Variants in LRBA observed in about 807,000 individuals in gnomAD.
The protein encoded by LRBA is lipopolysaccharide-responsive and beige-like anchor protein.
In LRBA, 176 loss-of-function variants were observed where a neutral mutation model predicts 330.0. The observed-to-expected ratio is 0.53, with a 90% CI of 0.47 to 0.60. The LOEUF (loss-of-function observed/expected upper bound fraction) is 0.60. LRBA is among the 20% of genes least tolerant of loss of function. The probability of loss-of-function intolerance (pLI) is 0.00; values close to 1 mark genes in which losing one functional copy is unlikely to be tolerated. For missense variants in LRBA, 3,259 were observed against 3,444.8 expected, an observed-to-expected ratio of 0.95 and a Z score of 1.35; for synonymous variants, 1,230 against 1,193.0, an observed-to-expected ratio of 1.03 and a Z score of -0.64.
At chr4:150,433,136 A>G (rs1433760082) in intron 46 of LRBA, among the ~76,000 whole-genome samples, 2 of 152,234 alleles carry the variant, frequency 1.3e-5, no homozygotes, top group Non-Finnish European at 2.9e-5. Context: ...TATTCCAAAC[A>G]TAAGAGGGAG....
At chr4:150,571,247 C>G (rs559421655) in intron 40 of LRBA, among the ~76,000 whole-genome samples, 44 of 152,064 alleles carry the variant, frequency 2.9e-4, no homozygotes, top group African/African-American at 9.9e-4. Flanking sequence ...AGCAAAGAAG[C>G]TCTACCTATA....
chr4:150,872,999 T>C (rs1240111745), intron 17 of LRBA, among the ~76,000 whole-genome samples: 4 of 152,158 alleles, frequency 2.6e-5, no homozygotes, highest in African/African-American at 9.7e-5. Context: ...CATACTTATA[T>C]GTAACGTGTG....
At chr4:150,439,515 G>A (rs960415687) in intron 44 of LRBA, among the ~76,000 whole-genome samples, 7 of 151,630 alleles carry the variant, frequency 4.6e-5, no homozygotes, top group Non-Finnish European at 1.0e-4. Context: ...AAAAAAAAAA[G>A]ACCAGTGGAG....
At chr4:150,747,255 C>T (rs550609374) in intron 35 of LRBA, among the ~76,000 whole-genome samples, 1 of 151,982 alleles carries the variant, frequency 6.6e-6, no homozygotes, top group African/African-American at 2.4e-5. Flanking sequence ...ACTACAGAAC[C>T]TTTTCTGATC....
At chr4:150,878,108 A>AG (rs1754261993) in intron 17 of LRBA, among the ~76,000 whole-genome samples, 1 of 152,086 alleles carries the variant, frequency 6.6e-6, no homozygotes, top group African/African-American at 2.4e-5. Flanking sequence ...CAAGGTGGGC[A>AG]GATCACTTGA....
At chr4:150,518,458 A>C (rs1762590883) in intron 40 of LRBA, among the ~76,000 whole-genome samples, 1 of 152,180 alleles carries the variant, frequency 6.6e-6, no homozygotes, top group Non-Finnish European at 1.5e-5. Context: ...GGATAAGGGG[A>C]GGCTACTGTA....
intron 33 of LRBA, among the ~76,000 whole-genome samples, chr4:150,802,359 TTTTAA>T (rs987875693): frequency 1.3e-5 from 2 of 151,612 alleles, no homozygotes; most frequent in African/African-American, 4.8e-5. Context: ...GGTTTTTTTT[TTTTAA>T]TTTTAGTCCA....
chr4:150,697,349 A>AAAAAC (rs1561527692), intron 36 of LRBA, among the ~76,000 whole-genome samples: 4 of 148,298 alleles, frequency 2.7e-5, no homozygotes, highest in African/African-American at 1.0e-4. Context: ...AAAAAAAAAA[A>AAAAAC]AACAGGGAGA....
At chr4:150,649,803 A>G (rs1375127653) in intron 37 of LRBA, among the ~76,000 whole-genome samples, 4 of 152,202 alleles carry the variant, frequency 2.6e-5, no homozygotes, top group Non-Finnish European at 1.5e-5. Flanking sequence ...TGTATAAACT[A>G]GCAAATACTC....
At chr4:150,398,056 A>G (rs1236745746) in intron 47 of LRBA, among the ~76,000 whole-genome samples, 2 of 152,220 alleles carry the variant, frequency 1.3e-5, no homozygotes, top group Non-Finnish European at 2.9e-5. Context: ...TATCTTCTCT[A>G]GCACAGAAAA....
intron 37 of LRBA, among the ~76,000 whole-genome samples, chr4:150,644,783 C>T (rs1778978808): frequency 6.6e-6 from 1 of 151,688 alleles, no homozygotes; most frequent in African/African-American, 2.4e-5. Context: ...AAATTTAGTA[C>T]CATCTGAAGT....
chr4:150,487,157 G>C (rs1256092723), intron 42 of LRBA, among the ~76,000 whole-genome samples: 1 of 151,568 alleles, frequency 6.6e-6, no homozygotes, highest in South Asian at 2.1e-4. Flanking sequence ...ATACCCAGTA[G>C]TGGGATTGCA....
At chr4:150,609,865 TAGCAGG>T (rs1775048979) in intron 37 of LRBA, among the ~76,000 whole-genome samples, 1 of 152,110 alleles carries the variant, frequency 6.6e-6, no homozygotes, top group Non-Finnish European at 1.5e-5. Context: ...AGGAGGTGGG[TAGCAGG>T]AGCAGGGTTT....
At chr4:150,812,940 T>C (rs1743975565) in intron 31 of LRBA, among the ~76,000 whole-genome samples, 1 of 152,092 alleles carries the variant, frequency 6.6e-6, no homozygotes, top group African/African-American at 2.4e-5. Context: ...GAAGGATCAC[T>C]TGAAGCCAGG....
chr4:150,743,071 G>A (rs959305722), intron 35 of LRBA, among the ~76,000 whole-genome samples: 1 of 152,096 alleles, frequency 6.6e-6, no homozygotes, highest in African/African-American at 2.4e-5. Context: ...GGGTACAAGT[G>A]ATTATCATGT....
chr4:150,903,447 A>C (rs550608912), intron 13 of LRBA, among the ~76,000 whole-genome samples: 12 of 152,212 alleles, frequency 7.9e-5, no homozygotes, highest in African/African-American at 2.9e-4. Context: ...TAAAAGAAAA[A>C]TGAACAGAGG....
intron 22 of LRBA, among the ~76,000 whole-genome samples, chr4:150,862,519 G>A (rs1752084775): frequency 6.6e-6 from 1 of 152,002 alleles, no homozygotes; most frequent in Non-Finnish European, 1.5e-5. Context: ...TCACACACTG[G>A]GGCCTGTCAT....
chr4:150,733,954 CTTCT>C (rs936083541), intron 36 of LRBA, among the ~76,000 whole-genome samples: 2 of 152,094 alleles, frequency 1.3e-5, no homozygotes, highest in Admixed American at 6.5e-5. Flanking sequence ...TGAAAGTAAT[CTTCT>C]TTCTTTCTTT....
intron 48 of LRBA, among the ~76,000 whole-genome samples, chr4:150,330,195 T>C (rs1453397268): frequency 1.3e-5 from 2 of 152,170 alleles, no homozygotes; most frequent in African/African-American, 2.4e-5. Flanking sequence ...GGTTTTCTTC[T>C]ACAAATATAA....
Sources: gnomAD v4.1 joint callset for allele counts (sites outside exome capture counted in the v4.1 genomes callset) on GRCh38, gnomAD v4.1.1 for gene constraint, MANE v1.5 for transcripts, NCBI Gene and HGNC (gene_info 2026-07-23, HGNC 2026-07-21) for gene names.